KIF6: variants seen among roughly 807,000 people sequenced by gnomAD.
KIF6 encodes the protein kinesin-like protein KIF6.
KIF6 carries 106 observed loss-of-function variants against 112.7 expected under a neutral mutation model. The ratio of observed to expected loss-of-function variants is 0.94; its 90% CI spans 0.80 to 1.11. The LOEUF is 1.11. Ranked by LOEUF, KIF6 falls within the 50% of genes least tolerant of loss-of-function variation. The pLI is 0.00. For missense variants in KIF6, 929 were observed against 964.0 expected (o/e 0.96, Z 0.48); for synonymous variants, 339 against 339.9 (o/e 1.00, Z 0.03).
chr6:39,634,990 G>A (rs1336439942), intron 4 of KIF6, 32 bp from the exon 5 acceptor site: 14 of 1,175,698 alleles, frequency 1.2e-5, no homozygotes, highest in East Asian at 4.7e-5. Flanking sequence ...ATTATTTATC[G>A]GTTATAACAA....
At chr6:39,537,605 T>C (rs1344641667) in intron 13 of KIF6, among the ~76,000 whole-genome samples, 1 of 151,966 alleles carries the variant, frequency 6.6e-6, no homozygotes, top group Non-Finnish European at 1.5e-5. Context: ...TGCTCATGGG[T>C]AGGAAGAATC....
chr6:39,385,730 G>A lies in KIF6; in HGVS notation c.1811-58C>T, dbSNP rs368228141. The A allele has an allele frequency of 2.9e-4, 304 of 1,055,412 alleles. No individual in the cohort carries two copies. In the African/African-American group the frequency reaches 4.3e-3, roughly 15 times the overall value. The allele number at this position is 1,055,412 out of a possible 1,614,324, so 65.4% of individuals were successfully genotyped here. ...GTTTCCAATGGGCTGGAGGAAGACT[G>A]CCTCAGAAGCATGTGGCAAGCTACA... On this transcript the variant is annotated intron_variant, in intron 15 of 22. Transcript: ENST00000287152.
chr6:39,611,824 C>A (rs1783231813), intron 6 of KIF6, among the ~76,000 whole-genome samples: 1 of 152,122 alleles, frequency 6.6e-6, no homozygotes, highest in Admixed American at 6.6e-5. Context: ...AACCTTTATT[C>A]CTTAATCTTC....
chr6:39,586,223 A>G (rs1452454015), intron 8 of KIF6, 38 bp downstream of exon 8: 5 of 1,611,020 alleles, frequency 3.1e-6, no homozygotes, highest in East Asian at 2.2e-5. Flanking sequence ...AGCAGTAAAA[A>G]CCTAGATTAA....
At chr6:39,575,669 G>A (rs1351635847) in intron 10 of KIF6, among the ~76,000 whole-genome samples, 1 of 152,098 alleles carries the variant, frequency 6.6e-6, no homozygotes, top group Non-Finnish European at 1.5e-5. Context: ...AGCTACCTGG[G>A]GCCCTTCCCT....
chr6:39,547,312 G>A (rs567543108), intron 10 of KIF6, among the ~76,000 whole-genome samples: 64 of 152,198 alleles, frequency 4.2e-4, no homozygotes, highest in Middle Eastern at 3.4e-3. Context: ...AATTTATACC[G>A]TTACTTTTAA....
intron 9 of KIF6, among the ~76,000 whole-genome samples, chr6:39,579,230 G>A (rs1302957979): frequency 1.3e-5 from 2 of 151,946 alleles, no homozygotes. Flanking sequence ...CCACATTTTT[G>A]TCACTATGTA....
chr6:39,523,477 T>C (rs998408149), intron 13 of KIF6, among the ~76,000 whole-genome samples: 1 of 151,550 alleles, frequency 6.6e-6, no homozygotes, highest in Middle Eastern at 3.4e-3. Flanking sequence ...TTTAGCTTTG[T>C]TTCTTGCTAA....
intron 10 of KIF6, among the ~76,000 whole-genome samples, chr6:39,571,847 C>A (rs1384210358): frequency 6.6e-6 from 1 of 152,124 alleles, no homozygotes; most frequent in African/African-American, 2.4e-5. Context: ...CTATGTTGGT[C>A]TCCTGCTATT....
chr6:39,402,010 T>C (rs1022931524), intron 15 of KIF6, among the ~76,000 whole-genome samples: 2 of 151,898 alleles, frequency 1.3e-5, no homozygotes, highest in Non-Finnish European at 2.9e-5. Context: ...CAAATAGGAG[T>C]AACTGTAGCA....
intron 12 of KIF6, among the ~76,000 whole-genome samples, chr6:39,540,615 G>A (rs904450839): frequency 6.6e-6 from 1 of 152,248 alleles, no homozygotes; most frequent in Non-Finnish European, 1.5e-5. Context: ...CCCTGGGCGA[G>A]CACGCGCCTG....
At chr6:39,481,985 T>C (rs1774824935) in intron 13 of KIF6, among the ~76,000 whole-genome samples, 1 of 148,616 alleles carries the variant, frequency 6.7e-6, no homozygotes, top group Non-Finnish European at 1.5e-5. Flanking sequence ...TCCTTAGAGA[T>C]AAAGACAACG....
chr6:39,344,614 G>A (rs1048679509), intron 21 of KIF6, among the ~76,000 whole-genome samples: 5 of 151,788 alleles, frequency 3.3e-5, no homozygotes, highest in East Asian at 1.9e-4. Context: ...GCTTTCTCTC[G>A]CTGCCTTCTC....
chr6:39,550,801 T>C (rs1384588932), intron 10 of KIF6, among the ~76,000 whole-genome samples: 1 of 152,198 alleles, frequency 6.6e-6, no homozygotes, highest in Non-Finnish European at 1.5e-5. Context: ...GATGTCTCCA[T>C]TGAGGGTGAG....
intron 10 of KIF6, among the ~76,000 whole-genome samples, chr6:39,571,051 T>C (rs1333319141): frequency 1.3e-5 from 2 of 152,246 alleles, no homozygotes; most frequent in Admixed American, 6.5e-5. Context: ...AACCTTCCTC[T>C]GAAGTTCCAG....
intron 15 of KIF6, among the ~76,000 whole-genome samples, chr6:39,396,594 A>G (rs1768287709): frequency 6.6e-6 from 1 of 152,142 alleles, no homozygotes. Flanking sequence ...GGGTTCTGGG[A>G]GCAGGTAGAC....
intron 13 of KIF6, among the ~76,000 whole-genome samples, chr6:39,446,022 A>T (rs2150401510): frequency 6.6e-6 from 1 of 152,248 alleles, no homozygotes; most frequent in South Asian, 2.1e-4. Flanking sequence ...CCTTCAGATG[A>T]TTGAAGAAGA....
At chr6:39,716,338 T>C (rs939696972) in intron 2 of KIF6, among the ~76,000 whole-genome samples, 2 of 151,992 alleles carry the variant, frequency 1.3e-5, no homozygotes, top group Admixed American at 6.6e-5. Context: ...TCCTCCACTA[T>C]TTAAAATAGC....
chr6:39,714,650 G>T, intron 3 of KIF6, 42 bp downstream of exon 3: 2 of 1,399,786 alleles, frequency 1.4e-6, no homozygotes, highest in Non-Finnish European at 2.0e-6. Context: ...AAGGCAACAT[G>T]AAAAACCACG....
Sources: allele counts gnomAD v4.1 joint callset (sites outside exome capture counted in the v4.1 genomes callset), GRCh38; gene constraint gnomAD v4.1.1; transcripts MANE v1.5; gene names NCBI Gene and HGNC (gene_info 2026-07-23, HGNC 2026-07-21).